The following ZNF548 variants were observed in gnomAD, a reference collection of about 807,000 sequenced individuals.
ZNF548 encodes the protein zinc finger protein 548.
A neutral mutation model predicts 10.2 loss-of-function variants in ZNF548; 10 were observed. The observed-to-expected ratio is 0.98, with a 90% CI of 0.60 to 1.66. The LOEUF (loss-of-function observed/expected upper bound fraction) is 1.66. Among genes scored for constraint, ZNF548 ranks in the 40% most tolerant of loss-of-function variants. The pLI is 0.00. For missense variants in ZNF548, 599 were observed against 657.0 expected (o/e 0.91, Z 0.97); for synonymous variants, 217 against 223.5 (o/e 0.97, Z 0.26).
At chr19:57,393,920 T>C (rs1232552679) in intron 1 of ZNF548, 1 of 558,216 alleles carries the variant, frequency 1.8e-6, no homozygotes, top group Non-Finnish European at 3.1e-6. Flanking sequence ...CTGATATATA[T>C]AGTACATGCT....
rs1017614888 is a variant in ZNF548 at position 57,401,654 on chromosome 19, A to C, written c.*1765A>C. ...GGCTTTTGATGTTATATATTAAAAA[A>C]AATTAGTATCAAATCCAATGCCAAG... On this transcript the variant is annotated 3_prime_UTR_variant, in exon 4 of 4. Coordinates refer to ENST00000336128, the MANE Select transcript of ZNF548 (RefSeq NM_001172773.2). 2.0e-5 allele frequency: 3 copies of C among 152,140 alleles called. No homozygotes were observed. Among genetic ancestry groups the C allele is most frequent in the Non-Finnish European group, 4.4e-5 (3 of 68,026 alleles). The allele number at this position is 152,140 out of a possible 1,614,324, so 9.4% of individuals were successfully genotyped here.
rs1600087603 is a variant in ZNF548, at chr19:57,398,687, G to A, written c.436G>A (p.Asp146Asn). 6.2e-7 allele frequency: 1 copy of A among 1,614,040 alleles called. No homozygotes were observed. The change falls in exon 4 of 4, where the codon GAT (aspartate) becomes AAT (asparagine). Residue 146 changes from aspartate to asparagine, a missense_variant. Physicochemically the swap from Asp to Asn is conservative, Grantham distance 23. Transcript: ENST00000336128. ...QQIGENLSRG[D>N]DWIPSFGKNH... ...AATTGGAGAAAATCTTTCCAGAGGG[G>A]ATGATTGGATACCTTCATTTGGGAA...
Position 57,399,198 on chromosome 19 carries a change from C to T in ZNF548, c.947C>T (p.Thr316Ile), listed in dbSNP as rs1467465137. 6.2e-7 allele frequency: 1 copy of T among 1,614,000 alleles called. No individual in the cohort carries two copies. ...TTTGTTAGACATCAGAGAGTTCACA[C>T]CGGAGAAAGGCCGTATGAGTGCAGG... ...STFVRHQRVH[T>I]GERPYECREC... is the part of the protein sequence containing the mutation. Residue 316 changes from threonine to isoleucine, a missense_variant, in exon 4 of 4, where the codon ACC (threonine) becomes ATC (isoleucine). Thr to Ile is a moderately conservative substitution (Grantham distance 89). Transcript: ENST00000336128. This position sits in a 1 kb window ranked among gnomAD's most constrained non-coding sequence, Gnocchi z 4.0.
In ZNF548 at chr19:57,390,029, G is replaced by C. The variant is rs1347469109; in HGVS notation, c.-71G>C. On this transcript the variant is annotated 5_prime_UTR_variant, in exon 1 of 4. Transcript: ENST00000336128. ...AGTCAACTGACAAGCGCTGGGGACAGTGGCGTCCTTGTCTTGCCTTTGTCG... is the reference window on the plus strand; with the variant it reads ...AGTCAACTGACAAGCGCTGGGGACACTGGCGTCCTTGTCTTGCCTTTGTCG... 1.0e-5 allele frequency: 16 copies of C among 1,577,120 alleles called. No homozygotes were observed. The South Asian group carries it at 1.8e-4, about 18-fold the overall frequency.
In ZNF548 at chr19:57,402,519, A is replaced by G. The variant is rs1198494684; in HGVS notation, c.*2630A>G. On this transcript the variant is annotated 3_prime_UTR_variant, in exon 4 of 4. Transcript: ENST00000336128. The stretch of plus-strand genomic sequence containing the variant: ...CCCAAGTTCTCTCATTCTTAGCTAT[A>G]GGTAATAAATTGTTCTGATTTTGTG... 1 of 152,338 alleles carries G rather than the reference A, an allele frequency of 6.6e-6. No individual in the cohort carries two copies. 9.4% of individuals were successfully genotyped at this position (152,338 alleles called of 1,614,324 possible).
Position 57,399,061 on chromosome 19 carries a change from T to C in ZNF548, c.810T>C (p.Cys270=). 6.2e-7 allele frequency: 1 copy of C among 1,614,230 alleles called. No homozygotes were observed. Among genetic ancestry groups the C allele is most frequent in the Non-Finnish European group, 8.5e-7 (1 of 1,180,024 alleles). The stretch of plus-strand genomic sequence containing the variant: ...AAAGGACTTATGAGTGCAGAGAATG[T>C]GGAAAATCCTTTATGTACAACTACC... ...TSERTYECRE[C]GKSFMYNYRL... is the part of the protein sequence containing the mutation. Residue 270 remains cysteine (C), a synonymous_variant, in exon 4 of 4, where the codon TGT becomes TGC. Transcript: ENST00000336128. The surrounding 1 kb of genome is among the most constrained non-coding windows in gnomAD (Gnocchi z 4.0).
chr19:57,393,456 T>G (rs1411229864), intron 1 of ZNF548, among the ~76,000 whole-genome samples: 1 of 150,702 alleles, frequency 6.6e-6, no homozygotes, highest in East Asian at 2.0e-4. Flanking sequence ...TGGTCGGGAG[T>G]TCGAGACCAG....
rs923965852 is a variant in ZNF548, at chr19:57,401,850, C to T, written c.*1961C>T. ...GCCTCCTGGGTTCGAGCCATCACCC[C>T]ACCTCAGCCTCCCAAGTAGCTTGGA... is the stretch of plus-strand genomic sequence containing the variant. On this transcript the variant is annotated 3_prime_UTR_variant, in exon 4 of 4. Coordinates refer to ENST00000336128, the MANE Select transcript of ZNF548 (RefSeq NM_001172773.2). 2.0e-5 allele frequency: 3 copies of T among 152,006 alleles called. No individual in the cohort carries two copies. The highest frequency in any genetic ancestry group is 4.8e-5 in the African/African-American group (2 of 41,346). The allele number at this position is 152,006 out of a possible 1,614,324, so 9.4% of individuals were successfully genotyped here.
At chr19:57,396,866 A>T in intron 2 of ZNF548, 182 bp from the exon 3 acceptor site, 1 of 838,208 alleles carries the variant, frequency 1.2e-6, no homozygotes, top group Non-Finnish European at 1.8e-6. Context: ...GATTTAGAGT[A>T]CGGGAAATAT....
At chr19:57,394,609 A>G (rs2088652384) in intron 2 of ZNF548, among the ~76,000 whole-genome samples, 1 of 152,182 alleles carries the variant, frequency 6.6e-6, no homozygotes. Context: ...ATCTAAGGGA[A>G]GTGGGAGACG....
intron 3 of ZNF548, among the ~76,000 whole-genome samples, chr19:57,397,629 T>C (rs759695053): frequency 7.2e-5 from 11 of 152,220 alleles, no homozygotes; most frequent in Non-Finnish European, 1.3e-4. Flanking sequence ...CTTACGATTA[T>C]AGAATGTGGG....
In ZNF548 at chr19:57,390,061, C is replaced by A; in HGVS notation, c.-39C>A. The A allele has an allele frequency of 6.2e-7, 1 of 1,606,954 alleles. No individual in the cohort carries two copies. ...CCTTGTCTTGCCTTTGTCGCTCCCG[C>A]CCCGCTCTTCCCTGGCTGGGCTGGC... On this transcript the variant is annotated 5_prime_UTR_variant, in exon 1 of 4. Transcript: ENST00000336128.
chr19:57,392,633 C>T (rs192489658), intron 1 of ZNF548, among the ~76,000 whole-genome samples: 2 of 152,314 alleles, frequency 1.3e-5, no homozygotes, highest in East Asian at 3.9e-4. Context: ...TGTTCTGTTC[C>T]ATTGATCTAT....
chr19:57,396,323 C>T lies in ZNF548; in HGVS notation c.52-725C>T, dbSNP rs1049803077. On this transcript the variant is annotated intron_variant, in intron 2 of 3. Transcript: ENST00000336128. ...TGGCAGGAGAGGATGGATCCCCCCA[C>T]GGGAGGCCCACATTCCTTTTCTACC... Among the ~76,000 whole-genome samples the T allele has an allele frequency of 2.7e-4, 41 of 152,036 alleles. 1 individual carries two copies. The highest frequency in any genetic ancestry group is 2.5e-3 in the East Asian group (13 of 5,178).
In ZNF548 at chr19:57,398,451, A is replaced by T; in HGVS notation, c.200A>T (p.Asp67Val). Residue 67 changes from aspartate (D) to valine (V), a missense_variant, in exon 4 of 4, where the codon GAT becomes GTT. By Grantham distance (152) the Asp-to-Val change is radical. Transcript: ENST00000336128. ...ACAGGTTCTTGGCATGGAGCTGAGG[A>T]TGAGGAGGCACCTTCACAGCAAGGT... ...SSLGSWHGAE[D>V]EEAPSQQGFS... 3 of 1,613,842 alleles carry T rather than the reference A, an allele frequency of 1.9e-6. No homozygotes were observed. Among genetic ancestry groups the T allele is most frequent in the Non-Finnish European group, 2.5e-6 (3 of 1,179,770 alleles).
Position 57,401,923 on chromosome 19 carries a change from G to C in ZNF548, c.*2034G>C, listed in dbSNP as rs2088720664. On this transcript the variant is annotated 3_prime_UTR_variant, in exon 4 of 4. Coordinates refer to ENST00000336128, the MANE Select transcript of ZNF548 (RefSeq NM_001172773.2). The stretch of plus-strand genomic sequence containing the variant: ...CTGGCTAATTTTTGTATTTTTAGTA[G>C]AGATGGGGTTTTGCCATGTTGGCCA... 1 of 152,110 alleles carries C rather than the reference G, an allele frequency of 6.6e-6. No homozygotes were observed. The highest frequency in any genetic ancestry group is 1.5e-5 in the Non-Finnish European group (1 of 68,042). The allele number at this position is 152,110 out of a possible 1,614,324, so 9.4% of individuals were successfully genotyped here.
chr19:57,400,376 T>A lies in ZNF548; in HGVS notation c.*487T>A, dbSNP rs1312915527. 1.3e-5 allele frequency: 2 copies of A among 157,728 alleles called. No individual in the cohort carries two copies. Among genetic ancestry groups the A allele is most frequent in the East Asian group, 3.7e-4 (2 of 5,352 alleles). The allele number at this position is 157,728 out of a possible 1,614,324, so 9.8% of individuals were successfully genotyped here. A position where few individuals can be genotyped will look rare whatever the true frequency, so the allele number is the denominator to read the frequency against. On this transcript the variant is annotated 3_prime_UTR_variant, in exon 4 of 4. Coordinates refer to ENST00000336128, the MANE Select transcript of ZNF548 (RefSeq NM_001172773.2). ...GTCTATTCAAGATTCTACTTTCAAT[T>A]CTTATAGGGTATATACTCAGAAATG...
In ZNF548 at chr19:57,402,783, G is replaced by A. The variant is rs1200072303; in HGVS notation, c.*2894G>A. The A allele has an allele frequency of 1.3e-5, 2 of 152,184 alleles. No individual in the cohort carries two copies. Among genetic ancestry groups the A allele is most frequent in the Non-Finnish European group, 2.9e-5 (2 of 68,046 alleles). The allele number at this position is 152,184 out of a possible 1,614,324, so 9.4% of individuals were successfully genotyped here. A position where few individuals can be genotyped will look rare whatever the true frequency, so the allele number is the denominator to read the frequency against. On this transcript the variant is annotated 3_prime_UTR_variant, in exon 4 of 4. Coordinates refer to ENST00000336128, the MANE Select transcript of ZNF548 (RefSeq NM_001172773.2). ...GAGAGAGCCAGCAGTTGAGCCTCCT[G>A]CATCTGAACATCCACACTAGGGATA... is the stretch of plus-strand genomic sequence containing the variant.
chr19:57,390,332 G>A (rs989117921), intron 1 of ZNF548: 3 of 442,842 alleles, frequency 6.8e-6, no homozygotes, highest in Admixed American at 3.8e-5. Flanking sequence ...GGGGCGTCAG[G>A]GGTGTGTGTT....
Sources: gnomAD v4.1 joint callset for allele counts (sites outside exome capture counted in the v4.1 genomes callset) on GRCh38, gnomAD v4.1.1 for gene constraint, Gnocchi (gnomAD v3.1) non-coding constraint, MANE v1.5 for transcripts, NCBI Gene and HGNC (gene_info 2026-07-23, HGNC 2026-07-21) for gene names.